The following RARS2 variants were observed in gnomAD, a reference collection of about 807,000 sequenced individuals.
The protein encoded by RARS2 is arginyl-tRNA synthetase 2, mitochondrial.
RARS2 carries 67 observed loss-of-function variants against 88.5 expected under a neutral mutation model. The observed-to-expected ratio is 0.76, with a 90% CI of 0.62 to 0.93. The LOEUF (loss-of-function observed/expected upper bound fraction) is 0.93, where lower values mean the gene tolerates loss of function less well. Among genes scored for constraint, RARS2 ranks in the 40% least tolerant of loss-of-function variants. The pLI is 0.00. For synonymous variants in RARS2, 239 were observed against 230.3 expected, an observed-to-expected ratio of 1.04 and a Z score of -0.34; for missense variants, 664 against 684.2, an observed-to-expected ratio of 0.97 and a Z score of 0.33.
intron 7 of RARS2, among the ~76,000 whole-genome samples, chr6:87,542,416 T>C (rs1781286938): frequency 6.6e-6 from 1 of 152,194 alleles, no homozygotes; most frequent in Admixed American, 6.5e-5. Context: ...TGGAAACTGT[T>C]TTCAAACTTT....
At chr6:87,550,886 A>T (rs969022591) in intron 5 of RARS2, among the ~76,000 whole-genome samples, 2 of 151,824 alleles carry the variant, frequency 1.3e-5, no homozygotes, top group African/African-American at 2.4e-5. Context: ...CATCTCTAGG[A>T]GGGTGAATAA....
At chr6:87,584,401 T>C (rs1015261412) in intron 1 of RARS2, among the ~76,000 whole-genome samples, 3 of 152,198 alleles carry the variant, frequency 2.0e-5, no homozygotes, top group African/African-American at 7.2e-5. Flanking sequence ...GTTATCTTTA[T>C]CTCATTACAT....
intron 1 of RARS2, among the ~76,000 whole-genome samples, chr6:87,583,417 C>T (rs977775213): frequency 6.6e-6 from 1 of 151,990 alleles, no homozygotes; most frequent in African/African-American, 2.4e-5. Flanking sequence ...TGGAGAAACC[C>T]CATCTCTACT....
intron 8 of RARS2, among the ~76,000 whole-genome samples, chr6:87,540,459 A>AC (rs1054448972): frequency 6.6e-6 from 1 of 151,836 alleles, no homozygotes; most frequent in Non-Finnish European, 1.5e-5. Context: ...AAAAAAAAAA[A>AC]AAAAAAAAAA....
intron 1 of RARS2, among the ~76,000 whole-genome samples, chr6:87,585,625 G>T (rs943100698): frequency 6.6e-6 from 1 of 152,028 alleles, no homozygotes; most frequent in Non-Finnish European, 1.5e-5. Context: ...CCAGCTACTC[G>T]GGAGGCTGAG....
At chr6:87,548,813 A>G (rs1050215032) in intron 5 of RARS2, among the ~76,000 whole-genome samples, 167 bp from the exon 6 acceptor site, 3 of 152,260 alleles carry the variant, frequency 2.0e-5, no homozygotes, top group African/African-American at 7.2e-5. Flanking sequence ...TTAGAACTCG[A>G]AATTTTGACA....
intron 5 of RARS2, among the ~76,000 whole-genome samples, chr6:87,551,266 T>A (rs1784239309): frequency 6.6e-6 from 1 of 152,168 alleles, no homozygotes; most frequent in Non-Finnish European, 1.5e-5. Flanking sequence ...AATTTGGGCA[T>A]CTTACTGGGA....
chr6:87,573,500 AG>A (rs1043836208), intron 1 of RARS2, among the ~76,000 whole-genome samples: 1 of 152,146 alleles, frequency 6.6e-6, no homozygotes, highest in African/African-American at 2.4e-5. Flanking sequence ...AACAAGAAAA[AG>A]GGGGTTGGGG....
chr6:87,566,385 T>C (rs1582746082), intron 2 of RARS2, among the ~76,000 whole-genome samples: 1 of 152,216 alleles, frequency 6.6e-6, no homozygotes, highest in Non-Finnish European at 1.5e-5. Context: ...CTTACTGTAG[T>C]AGACTATTGG....
chr6:87,522,649 A>G (rs1228153446), intron 11 of RARS2, among the ~76,000 whole-genome samples: 1 of 152,138 alleles, frequency 6.6e-6, no homozygotes, highest in African/African-American at 2.4e-5. Context: ...GAAGGCAAAA[A>G]CTGGCTAATT....
rs760114539 is a variant in RARS2 at position 87,589,953 on chromosome 6, G to A, written c.5C>T (p.Ala2Val). 4.2e-5 allele frequency: 67 copies of A among 1,614,102 alleles called. No homozygotes were observed. The highest frequency in any genetic ancestry group is 8.0e-5 in the African/African-American group (6 of 74,956). Residue 2 changes from alanine to valine, a missense_variant, in exon 1 of 20, where the codon GCG (alanine) becomes GTG (valine). By Grantham distance (64) the Ala-to-Val change is moderately conservative. Coordinates refer to ENST00000369536, the MANE Select transcript of RARS2 (RefSeq NM_020320.5). Reference protein sequence around the residue: MACGFRRAIACQ... With the variant: MVCGFRRAIACQ... The stretch of plus-strand genomic sequence containing the variant: ...AGCAATAGCGCGGCGAAAGCCGCAC[G>A]CCATGTCCACCTCTACGGAAGTGCG...
chr6:87,537,588 G>A (rs1000617202), intron 8 of RARS2, among the ~76,000 whole-genome samples: 6 of 152,062 alleles, frequency 3.9e-5, no homozygotes, highest in Non-Finnish European at 7.4e-5. Flanking sequence ...AATTCATTCA[G>A]GCATTTACTG....
intron 4 of RARS2, among the ~76,000 whole-genome samples, chr6:87,559,035 G>A (rs921462461): frequency 6.6e-6 from 1 of 152,098 alleles, no homozygotes; most frequent in Non-Finnish European, 1.5e-5. Context: ...TAAGGCTAAT[G>A]TGTTTGTGTC....
chr6:87,575,263 ACACAC>A (rs1771087026), intron 1 of RARS2, among the ~76,000 whole-genome samples: 1 of 148,380 alleles, frequency 6.7e-6, no homozygotes, highest in Non-Finnish European at 1.5e-5. Context: ...ACACACACAC[ACACAC>A]ACACACACAC....
At chr6:87,554,973 G>A (rs997662854) in intron 5 of RARS2, among the ~76,000 whole-genome samples, 5 of 151,870 alleles carry the variant, frequency 3.3e-5, no homozygotes, top group South Asian at 4.1e-4. Flanking sequence ...GTATGGTGGC[G>A]GGCGCCTGTA....
intron 4 of RARS2, among the ~76,000 whole-genome samples, chr6:87,558,181 GAA>G (rs200923177): frequency 8.4e-6 from 1 of 118,454 alleles, no homozygotes. Flanking sequence ...CCGTCTCAAA[GAA>G]AAAAAAAAAA....
rs943963561 is a variant in RARS2 at position 87,516,987 on chromosome 6, T to C, written c.1512-107A>G. The C allele has an allele frequency of 3.3e-6, 5 of 1,514,288 alleles. No individual in the cohort carries two copies. In the African/African-American group the frequency reaches 7.0e-5, roughly 21 times the overall value. 93.8% of individuals were successfully genotyped at this position (1,514,288 alleles called of 1,614,324 possible). ...AAGGTTGACTCGACACGATTAAGAG[T>C]AGAAGGTATGGCCAGGCGCAGTGTC... is the stretch of plus-strand genomic sequence containing the variant. On this transcript the variant is annotated intron_variant, in intron 17 of 19. Transcript: ENST00000369536.
rs144723977 is a variant in RARS2, at chr6:87,524,565, A to G, written c.966T>C (p.Tyr322=). ...TVMRSDGTSL[Y]ATRDLAAAID... is the part of the protein sequence containing the mutation. ...TCACAGAGGCTACAAACCTGGTTGCATAGAGAGAAGTCCCATCACTTCGCA... is the reference window on the plus strand; with the variant it reads ...TCACAGAGGCTACAAACCTGGTTGCGTAGAGAGAAGTCCCATCACTTCGCA... The change falls in exon 11 of 20, where the codon TAT becomes TAC. Residue 322 remains tyrosine (Y), a synonymous_variant. Coordinates refer to ENST00000369536, the MANE Select transcript of RARS2 (RefSeq NM_020320.5). 3 of 1,608,980 alleles carry G rather than the reference A, an allele frequency of 1.9e-6. No individual in the cohort carries two copies. The African/African-American group carries it at 4.0e-5, about 22-fold the overall frequency.
rs542962859 is a variant in RARS2 at position 87,548,071 on chromosome 6, T to G, written c.451+520A>C. 2.6e-5 allele frequency among the ~76,000 whole-genome samples: 4 copies of G among 152,118 alleles called. No individual in the cohort carries two copies. In the East Asian group the frequency reaches 5.8e-4, roughly 22 times the overall value. On this transcript the variant is annotated intron_variant, in intron 6 of 19. Transcript: ENST00000369536. ...AAAAATTGTTATTAAGTAGAAACCT[T>G]GTCTCTACTAAAAATACAAAAATTA...
Sources: allele counts gnomAD v4.1 joint callset (sites outside exome capture counted in the v4.1 genomes callset), GRCh38; gene constraint gnomAD v4.1.1; transcripts MANE v1.5; gene names NCBI Gene and HGNC (gene_info 2026-07-23, HGNC 2026-07-21).